Variants in SETDB2 observed in about 807,000 individuals in gnomAD.
SETDB2 encodes histone-lysine N-methyltransferase SETDB2.
SETDB2 carries 56 observed loss-of-function variants against 82.5 expected under a neutral mutation model. The observed-to-expected ratio is 0.68, with a 90% confidence interval of 0.55 to 0.85. The LOEUF (loss-of-function observed/expected upper bound fraction) is 0.85. Ranked by LOEUF, SETDB2 falls within the 40% of genes least tolerant of loss-of-function variation. SETDB2 has a pLI of 0.00. For missense variants in SETDB2, 677 were observed against 816.4 expected (o/e 0.83, Z 2.08); for synonymous variants, 272 against 284.9 (o/e 0.95, Z 0.46).
Position 49,481,135 on chromosome 13 carries a change from T to TTCAAATTA in SETDB2, c.1156+21_1156+28dup. ...TATTCAGGTAAAGCAAAAGTTTATT[T>TTCAAATTA]TCAAATTATTCTAGAGTAGAATCCA... On this transcript the variant is annotated intron_variant, in intron 8 of 13. Transcript: ENST00000611815. 1 of 1,605,568 alleles carries TTCAAATTA rather than the reference T, an allele frequency of 6.2e-7. No individual in the cohort carries two copies. The highest frequency in any genetic ancestry group is 8.5e-7 in the Non-Finnish European group (1 of 1,175,174).
chr13:49,484,964 A>T (rs1958565920), intron 10 of SETDB2, among the ~76,000 whole-genome samples: 1 of 152,246 alleles, frequency 6.6e-6, no homozygotes. Flanking sequence ...TTTTATCTGT[A>T]AAAAGGTAAT....
chr13:49,464,180 A>T, intron 4 of SETDB2: 1 of 695,906 alleles, frequency 1.4e-6, no homozygotes, highest in Non-Finnish European at 2.7e-6. Context: ...AAGATTTGTA[A>T]CAGTGTCTGT....
chr13:49,468,054 A>C (rs1483278679), intron 5 of SETDB2, 94 bp downstream of exon 5: 1 of 827,502 alleles, frequency 1.2e-6, no homozygotes, highest in Non-Finnish European at 1.7e-6. Context: ...AATATACAAA[A>C]AAATTTTTCC....
At chr13:49,478,295 A>C (rs1185368587) in intron 6 of SETDB2, among the ~76,000 whole-genome samples, 1 of 152,158 alleles carries the variant, frequency 6.6e-6, no homozygotes, top group Non-Finnish European at 1.5e-5. Flanking sequence ...TCATCTGGGG[A>C]CTTGGCTCTT....
At chr13:49,465,211 T>C (rs1240825555) in intron 4 of SETDB2, among the ~76,000 whole-genome samples, 1 of 152,278 alleles carries the variant, frequency 6.6e-6, no homozygotes, top group East Asian at 1.9e-4. Flanking sequence ...ATCAAACCGC[T>C]AATTATGTTT....
intron 6 of SETDB2, among the ~76,000 whole-genome samples, chr13:49,478,348 G>A (rs1958412152): frequency 6.6e-6 from 1 of 152,190 alleles, no homozygotes; most frequent in Non-Finnish European, 1.5e-5. Context: ...TAGGAACTAG[G>A]CCAGTATCTC....
chr13:49,471,934 ATTTTTT>A (rs35468680), intron 5 of SETDB2, among the ~76,000 whole-genome samples: 8 of 119,274 alleles, frequency 6.7e-5, no homozygotes, highest in Admixed American at 2.6e-4. Context: ...ATATATATAT[ATTTTTT>A]TTTTTTTTTA....
rs746768724 is a variant in SETDB2 at position 49,482,724 on chromosome 13, A to G, written c.1157-13A>G. The G allele has an allele frequency of 2.6e-6, 4 of 1,559,892 alleles. No homozygotes were observed. In the South Asian group the frequency reaches 3.4e-5, roughly 13 times the overall value. Reference sequence around the variant, plus strand: ...TTCTGTGTTGTTCAAACTCTTTAACATTTTCCTTTTAGGAAGATTACTAAG... The same window carrying G: ...TTCTGTGTTGTTCAAACTCTTTAACGTTTTCCTTTTAGGAAGATTACTAAG... On this transcript the variant is annotated splice_polypyrimidine_tract_variant and intron_variant, in intron 8 of 13. Transcript: ENST00000611815.
intron 10 of SETDB2, among the ~76,000 whole-genome samples, 196 bp downstream of exon 10, chr13:49,483,759 C>T (rs560393420): frequency 1.3e-4 from 20 of 151,748 alleles, no homozygotes; most frequent in Non-Finnish European, 2.4e-4. Flanking sequence ...TCCCGAATGG[C>T]TGGGACTACA....
intron 10 of SETDB2, 131 bp from the exon 11 acceptor site, chr13:49,485,482 AAGACTCCTTATGATATC>A (rs1958579890): frequency 1.6e-6 from 1 of 627,756 alleles, no homozygotes; most frequent in Non-Finnish European, 2.8e-6. Flanking sequence ...CATTAGTCTA[AAGACTCCTTATGATATC>A]AGCTTTGAGG....
intron 2 of SETDB2, among the ~76,000 whole-genome samples, chr13:49,459,313 ATCT>A (rs1315804240): frequency 2.0e-5 from 3 of 152,192 alleles, no homozygotes; most frequent in Admixed American, 2.0e-4. Context: ...TTTGTAAGCC[ATCT>A]GGACTGTCTA....
chr13:49,467,546 T>C (rs1383682012), intron 4 of SETDB2, among the ~76,000 whole-genome samples: 1 of 152,186 alleles, frequency 6.6e-6, no homozygotes, highest in African/African-American at 2.4e-5. Flanking sequence ...AATTATGTGA[T>C]TTCTCTATAA....
chr13:49,486,303 C>CAAAAA (rs113127035), intron 11 of SETDB2, among the ~76,000 whole-genome samples: 1 of 147,588 alleles, frequency 6.8e-6, no homozygotes, highest in Non-Finnish European at 1.5e-5. Context: ...GACCCTGTCT[C>CAAAAA]AAAAAAAAAA....
chr13:49,458,235 C>A (rs1204245547), intron 2 of SETDB2, among the ~76,000 whole-genome samples: 5 of 152,124 alleles, frequency 3.3e-5, no homozygotes, highest in African/African-American at 1.2e-4. Flanking sequence ...AGGCATGTAC[C>A]ACCTCGCCTG....
chr13:49,461,269 T>G, intron 4 of SETDB2, 107 bp downstream of exon 4: 1 of 722,798 alleles, frequency 1.4e-6, no homozygotes, highest in Non-Finnish European at 2.2e-6. Context: ...TAAAATAAAA[T>G]CTAACATCCA....
rs774368951 is a variant in SETDB2, at chr13:49,461,046, C to G, written c.143-51C>G. 7 of 1,369,626 alleles carry G rather than the reference C, an allele frequency of 5.1e-6. No homozygotes were observed. In the South Asian group the frequency reaches 8.3e-5, roughly 16 times the overall value. The allele number at this position is 1,369,626 out of a possible 1,614,324, so 84.8% of individuals were successfully genotyped here. On this transcript the variant is annotated intron_variant, in intron 3 of 13. Transcript: ENST00000611815. ...ATATGTAAATTGTTTAGCACAGTAG[C>G]TGGCACCATAAATAAAGGTAATGGT...
At position 49,493,856 on chromosome 13, in the gene SETDB2, A is replaced by G. The variant is rs569709692; in HGVS notation, c.*2007A>G. On this transcript the variant is annotated 3_prime_UTR_variant, in exon 14 of 14. Transcript: ENST00000611815. ...ATTCTGTTCCTTCTCTTTTGCATAT[A>G]TAATCCATTTTTATCTCTCTTGAAG... 6 of 152,218 alleles carry G rather than the reference A, an allele frequency of 3.9e-5. No individual in the cohort carries two copies. Among genetic ancestry groups the G allele is most frequent in the South Asian group, 2.1e-4 (1 of 4,824 alleles). The allele number at this position is 152,218 out of a possible 1,614,324, so 9.4% of individuals were successfully genotyped here.
rs1958762878 is a variant in SETDB2, at chr13:49,494,165, T to G, written c.*2316T>G. The G allele has an allele frequency of 6.6e-6, 1 of 152,174 alleles. No homozygotes were observed. Among genetic ancestry groups the G allele is most frequent in the Admixed American group, 6.5e-5 (1 of 15,280 alleles). The allele number at this position is 152,174 out of a possible 1,614,324, so 9.4% of individuals were successfully genotyped here. A position where few individuals can be genotyped will look rare whatever the true frequency, so the allele number is the denominator to read the frequency against. On this transcript the variant is annotated 3_prime_UTR_variant, in exon 14 of 14. Transcript: ENST00000611815. ...CATCTGTTGCATTTTATTTTTCTAG[T>G]CTCATATTGTCTCATATTTTTAATT...
Position 49,491,994 on chromosome 13 carries a change from G to C in SETDB2, c.*145G>C. On this transcript the variant is annotated 3_prime_UTR_variant, in exon 14 of 14. Coordinates refer to ENST00000611815, the MANE Select transcript of SETDB2 (RefSeq NM_001160308.3). ...GTTTTATTTCAGATTTTATTTGTGT[G>C]ACTTAGAAATTCCAGGAACACAATT... 1 of 721,286 alleles carries C rather than the reference G, an allele frequency of 1.4e-6. No homozygotes were observed. Among genetic ancestry groups the C allele is most frequent in the South Asian group, 1.5e-5 (1 of 68,656 alleles). The allele number at this position is 721,286 out of a possible 1,614,324, so 44.7% of individuals were successfully genotyped here.
Sources: gnomAD v4.1 joint callset for allele counts (sites outside exome capture counted in the v4.1 genomes callset) on GRCh38, gnomAD v4.1.1 for gene constraint, MANE v1.5 for transcripts, NCBI Gene and HGNC (gene_info 2026-07-23, HGNC 2026-07-21) for gene names.